LPIN3: variants seen among roughly 807,000 people sequenced by gnomAD.
LPIN3 encodes lipin 3.
Under a neutral mutation model 94.7 loss-of-function variants are expected in LPIN3, and 82 were observed. The observed-to-expected ratio is 0.87, with a 90% confidence interval of 0.72 to 1.04. The LOEUF (loss-of-function observed/expected upper bound fraction) is 1.04, where lower values mean the gene tolerates loss of function less well. Ranked by LOEUF, LPIN3 falls within the 50% of genes least tolerant of loss-of-function variation. The pLI is 0.00. For synonymous variants in LPIN3, 418 were observed against 443.3 expected, an observed-to-expected ratio of 0.94 and a Z score of 0.72; for missense variants, 996 against 1,090.5, an observed-to-expected ratio of 0.91 and a Z score of 1.22.
intron 16 of LPIN3, among the ~76,000 whole-genome samples, 200 bp downstream of exon 16, chr20:41,357,647 C>T (rs983088169): frequency 6.6e-6 from 1 of 152,250 alleles, no homozygotes; most frequent in Admixed American, 6.5e-5. Flanking sequence ...GATCAGGGCC[C>T]ACCTACTGGC....
chr20:41,341,621 G>A (rs1240553770), intron 1 of LPIN3, among the ~76,000 whole-genome samples: 1 of 152,208 alleles, frequency 6.6e-6, no homozygotes, highest in African/African-American at 2.4e-5. Flanking sequence ...AGGCCTACGT[G>A]GAGTGCACAT....
chr20:41,357,195 C>G lies in LPIN3; in HGVS notation c.1952+7C>G. ...TCGACGGCACCATCACCAAGTGAGG[C>G]CCACCCAGCTGTGGGAAGGGGAGGG... On this transcript the variant is annotated splice_region_variant and intron_variant, in intron 15 of 19. Transcript: ENST00000373257. 1 of 1,613,796 alleles carries G rather than the reference C, an allele frequency of 6.2e-7. No homozygotes were observed. The highest frequency in any genetic ancestry group is 8.5e-7 in the Non-Finnish European group (1 of 1,179,952).
At chr20:41,353,101 A>C (rs1350455155) in intron 11 of LPIN3, among the ~76,000 whole-genome samples, 1 of 152,214 alleles carries the variant, frequency 6.6e-6, no homozygotes, top group African/African-American at 2.4e-5. Context: ...ACTTCAGAGG[A>C]GCTCAGGACA....
At chr20:41,348,943 T>G in intron 4 of LPIN3, 56 bp downstream of exon 4, 2 of 1,588,364 alleles carry the variant, frequency 1.3e-6, no homozygotes, top group Non-Finnish European at 1.7e-6. Context: ...TGCTGTTTCC[T>G]CTGCTCATGC....
chr20:41,349,584 GTCT>G (rs1192295445), intron 5 of LPIN3, among the ~76,000 whole-genome samples, 187 bp from the exon 6 acceptor site: 4 of 150,376 alleles, frequency 2.7e-5, no homozygotes, highest in South Asian at 2.1e-4. Flanking sequence ...TTACTGGATT[GTCT>G]TCTTCTTGTT....
chr20:41,344,193 A>G (rs1480051087), intron 1 of LPIN3, among the ~76,000 whole-genome samples: 1 of 152,228 alleles, frequency 6.6e-6, no homozygotes, highest in Non-Finnish European at 1.5e-5. Flanking sequence ...GCTGGTGCAT[A>G]CCACATTTTG....
chr20:41,348,996 T>C lies in LPIN3; in HGVS notation c.558-96T>C. ...GGGCCTTGACCTCTCTGAGCAGTAG[T>C]TGCTTCACCTTACCAAGCCCCTGAT... is the stretch of plus-strand genomic sequence containing the variant. On this transcript the variant is annotated intron_variant, in intron 4 of 19. Transcript: ENST00000373257. 3 of 1,578,700 alleles carry C rather than the reference T, an allele frequency of 1.9e-6. No individual in the cohort carries two copies. In the South Asian group the frequency reaches 3.4e-5, roughly 18 times the overall value.
chr20:41,357,266 AG>A, intron 15 of LPIN3, 78 bp downstream of exon 15: 1 of 1,603,440 alleles, frequency 6.2e-7, no homozygotes, highest in East Asian at 2.2e-5. Flanking sequence ...TGTGGTGGGG[AG>A]TGAGAGGAGC....
chr20:41,356,718 A>G (rs1403960589), intron 14 of LPIN3, among the ~76,000 whole-genome samples: 1 of 152,182 alleles, frequency 6.6e-6, no homozygotes, highest in East Asian at 1.9e-4. Flanking sequence ...TGCCAACAGC[A>G]GTCCCAGCCT....
rs1359656261 is a variant in LPIN3 at position 41,350,112 on chromosome 20, A to G, written c.817A>G (p.Thr273Ala). Reference protein sequence around the residue: ...SVVLEGRAGATSPPRGGPSTP... With the variant: ...SVVLEGRAGAASPPRGGPSTP... The stretch of plus-strand genomic sequence containing the variant: ...GGTCCTTGAAGGCAGAGCTGGGGCA[A>G]CCTCTCCTCCTCGGGGAGGACCCAG... The change falls in exon 7 of 20, where the codon ACC (threonine) becomes GCC (alanine). Residue 273 changes from threonine (T) to alanine (A), a missense_variant. Physicochemically the swap from Thr to Ala is moderately conservative, Grantham distance 58 (BLOSUM62 0). Transcript: ENST00000373257. The G allele has an allele frequency of 1.2e-6, 2 of 1,611,164 alleles. No homozygotes were observed. The highest frequency in any genetic ancestry group is 2.7e-5 in the African/African-American group (2 of 74,836).
At chr20:41,357,224 G>T in intron 15 of LPIN3, 36 bp downstream of exon 15, 1 of 1,612,514 alleles carries the variant, frequency 6.2e-7, no homozygotes, top group Non-Finnish European at 8.5e-7. Context: ...GGGAGGGAGA[G>T]GGGTTGTGGA....
chr20:41,350,903 G>A (rs975602499), intron 7 of LPIN3, among the ~76,000 whole-genome samples: 5 of 152,238 alleles, frequency 3.3e-5, no homozygotes, highest in South Asian at 2.1e-4. Context: ...AGGAAAGCAC[G>A]AGACCTGTGC....
chr20:41,350,471 G>A, intron 7 of LPIN3, 74 bp downstream of exon 7: 1 of 1,236,470 alleles, frequency 8.1e-7, no homozygotes, highest in East Asian at 2.6e-5. Flanking sequence ...GGGACTTCAA[G>A]TACATTTTGA....
chr20:41,358,631 G>A, intron 19 of LPIN3, 89 bp downstream of exon 19: 1 of 1,603,384 alleles, frequency 6.2e-7, no homozygotes, highest in Non-Finnish European at 8.5e-7. Context: ...CTCTTACCGG[G>A]GAGTCTGTCC....
At chr20:41,347,703 C>A in intron 3 of LPIN3, 56 bp downstream of exon 3, 1 of 1,445,556 alleles carries the variant, frequency 6.9e-7, no homozygotes, top group Non-Finnish European at 9.5e-7. Flanking sequence ...TGTGCCTCTT[C>A]TGGGCAGAGC....
chr20:41,347,624 G>C lies in LPIN3; in HGVS notation c.265G>C (p.Val89Leu). ...TGGGGACAGCGGGGAGGCCTTCTTT[G>C]TTCAGGAGCTGGAGAGCGATGATGT... ...KLGDSGEAFF[V>L]QELESDDEHV... The change falls in exon 3 of 20, where the codon GTT (valine) becomes CTT (leucine). Residue 89 changes from valine (V) to leucine (L), a missense_variant. By Grantham distance (32) the Val-to-Leu change is conservative. Transcript: ENST00000373257. The C allele has an allele frequency of 6.2e-7, 1 of 1,614,046 alleles. No homozygotes were observed.
intron 3 of LPIN3, among the ~76,000 whole-genome samples, chr20:41,348,127 C>CT (rs1485997215): frequency 2.0e-5 from 3 of 152,150 alleles, no homozygotes; most frequent in African/African-American, 7.2e-5. Flanking sequence ...ACTTGAAAAA[C>CT]TTTGAGTCCC....
intron 12 of LPIN3, 36 bp downstream of exon 12, chr20:41,354,773 A>G: frequency 6.2e-7 from 1 of 1,611,928 alleles, no homozygotes; most frequent in Non-Finnish European, 8.5e-7. Flanking sequence ...GGCCAGGGCC[A>G]GCACAGGGCG....
chr20:41,345,579 G>A (rs1011303609), intron 1 of LPIN3, among the ~76,000 whole-genome samples: 5 of 152,222 alleles, frequency 3.3e-5, no homozygotes, highest in Non-Finnish European at 5.9e-5. Context: ...GGAAGGAGGC[G>A]GCTGCCCAAG....
Sources: allele counts gnomAD v4.1 joint callset (sites outside exome capture counted in the v4.1 genomes callset), GRCh38; gene constraint gnomAD v4.1.1; transcripts MANE v1.5; gene names NCBI Gene and HGNC (gene_info 2026-07-23, HGNC 2026-07-21).